Variants in FGF13 observed in about 807,000 individuals in gnomAD.
FGF13 encodes fibroblast growth factor 13.
A neutral mutation model predicts 19.5 loss-of-function variants in FGF13; 2 were observed. That is an observed-to-expected ratio of 0.10 (90% CI 0.04 to 0.32). The LOEUF is 0.32. Ranked by LOEUF, FGF13 falls within the 10% of genes least tolerant of loss-of-function variation. FGF13 has a pLI of 1.00. For synonymous variants in FGF13, 72 were observed against 76.9 expected (o/e 0.94, Z 0.33); for missense variants, 113 against 192.7 (o/e 0.59, Z 2.45).
chrX:139,095,488 G>A (rs2083464769), intron 1 of FGF13, among the ~76,000 whole-genome samples: 1 of 111,922 alleles, frequency 8.9e-6, no homozygotes, highest in Non-Finnish European at 1.9e-5. Context: ...CTTGAGATGA[G>A]GTCATAGAGA....
At chrX:139,034,954 G>A (rs767298670) in intron 1 of FGF13, among the ~76,000 whole-genome samples, 6 of 111,523 alleles carry the variant, frequency 5.4e-5, no homozygotes, top group Non-Finnish European at 1.1e-4. Context: ...TTCTGCAGCA[G>A]GATTGGCCCA....
At chrX:139,162,373 C>T (rs1370902849) in intron 1 of FGF13, among the ~76,000 whole-genome samples, 1 of 112,191 alleles carries the variant, frequency 8.9e-6, no homozygotes, top group Non-Finnish European at 1.9e-5. Context: ...GGACCCCTTC[C>T]TTACATCTTA....
chrX:138,697,091 C>G (rs1250467942), intron 3 of FGF13, among the ~76,000 whole-genome samples: 1 of 111,419 alleles, frequency 9.0e-6, no homozygotes, highest in Non-Finnish European at 1.9e-5. Flanking sequence ...TAAATATAAC[C>G]TAAATATTAA....
chrX:139,097,081 A>C (rs2083475507), intron 1 of FGF13, among the ~76,000 whole-genome samples: 1 of 112,139 alleles, frequency 8.9e-6, no homozygotes. Flanking sequence ...ATACTAAATA[A>C]AATATTAAGA....
intron 1 of FGF13, among the ~76,000 whole-genome samples, chrX:138,929,150 T>C (rs752802788): frequency 1.8e-5 from 2 of 111,526 alleles, no homozygotes; most frequent in African/African-American, 3.3e-5. Flanking sequence ...TTCAAGTCAA[T>C]CTCTGTTGGA....
intron 1 of FGF13, among the ~76,000 whole-genome samples, chrX:138,877,800 G>A (rs1490211522): frequency 8.9e-6 from 1 of 112,207 alleles, no homozygotes; most frequent in Non-Finnish European, 1.9e-5. Flanking sequence ...CATATATACA[G>A]CACATTTTTA....
At chrX:138,697,111 G>T (rs1459897688) in intron 3 of FGF13, among the ~76,000 whole-genome samples, 1 of 111,987 alleles carries the variant, frequency 8.9e-6, no homozygotes, top group Non-Finnish European at 1.9e-5. Flanking sequence ...ACTTAGGCAT[G>T]TAACATTCTT....
intron 1 of FGF13, among the ~76,000 whole-genome samples, chrX:139,111,047 T>C (rs910213444): frequency 1.9e-4 from 21 of 111,700 alleles, no homozygotes; most frequent in African/African-American, 6.8e-4. Context: ...AAGTACCTAA[T>C]TAACAGCACT....
rs1459115541 is a variant in FGF13 at position 138,940,691 on chromosome X, C to T, written c.-112-76041G>A. On this transcript the variant is annotated intron_variant, in intron 1 of 2. Transcript: ENST00000421460. ...AGCACCATTTATTGAACAGGGAGTC[C>T]TTTCCTTATTGCTTGTTTTTGTTGG... Among the ~76,000 whole-genome samples, 19 of 111,402 alleles carry T rather than the reference C, an allele frequency of 1.7e-4. No individual in the cohort carries two copies. In the Admixed American group the frequency reaches 1.8e-3, roughly 11 times the overall value.
At chrX:138,693,203 G>A (rs1254602308) in intron 3 of FGF13, among the ~76,000 whole-genome samples, 4 of 111,908 alleles carry the variant, frequency 3.6e-5, no homozygotes, top group South Asian at 3.7e-4. Flanking sequence ...AATAATAAAC[G>A]TGAAATAATC....
intron 1 of FGF13, among the ~76,000 whole-genome samples, chrX:139,035,187 C>T (rs2092246511): frequency 1.8e-5 from 2 of 111,197 alleles, no homozygotes; most frequent in Non-Finnish European, 3.8e-5. Context: ...TAAATCAGAA[C>T]ATGTCACTAT....
chrX:138,656,344 T>C (rs956510141), intron 3 of FGF13, among the ~76,000 whole-genome samples: 4 of 111,893 alleles, frequency 3.6e-5, no homozygotes, highest in African/African-American at 1.3e-4. Context: ...ACGTATAGCA[T>C]GTCAGTAATG....
chrX:138,951,209 G>A (rs772863331), intron 1 of FGF13, among the ~76,000 whole-genome samples: 2 of 111,334 alleles, frequency 1.8e-5, no homozygotes, highest in South Asian at 7.7e-4. Context: ...ATAGTACTCC[G>A]CCTCCCATCA....
chrX:139,166,175 A>C (rs113308524), intron 1 of FGF13, among the ~76,000 whole-genome samples: 1 of 111,720 alleles, frequency 9.0e-6, no homozygotes, highest in South Asian at 3.8e-4. Flanking sequence ...TGTAGTTCCC[A>C]TAATCCCCAC....
At chrX:138,874,035 A>AG (rs1214600805) in intron 1 of FGF13, among the ~76,000 whole-genome samples, 3 of 103,435 alleles carry the variant, frequency 2.9e-5, no homozygotes, top group Non-Finnish European at 5.9e-5. Context: ...GGGTAGCATT[A>AG]GGAGATATAC....
chrX:138,777,842 C>T (rs2090600274), intron 3 of FGF13, among the ~76,000 whole-genome samples: 2 of 109,842 alleles, frequency 1.8e-5, no homozygotes, highest in South Asian at 8.0e-4. Context: ...ATATATTAGC[C>T]AAAATGTCCA....
intron 3 of FGF13, among the ~76,000 whole-genome samples, chrX:138,656,459 T>C (rs1051802966): frequency 1.7e-4 from 19 of 111,229 alleles, no homozygotes; most frequent in African/African-American, 6.2e-4. Context: ...GGAAATTTTC[T>C]AAGGCTTTCT....
intron 1 of FGF13, among the ~76,000 whole-genome samples, chrX:138,950,227 C>T (rs1293934566): frequency 9.0e-6 from 1 of 110,575 alleles, no homozygotes; most frequent in African/African-American, 3.4e-5. Flanking sequence ...TCTGTGAGTA[C>T]CATTCCTGAA....
chrX:138,734,002 G>C (rs2090253073), intron 1 of FGF13, among the ~76,000 whole-genome samples: 1 of 110,934 alleles, frequency 9.0e-6, no homozygotes, highest in African/African-American at 3.3e-5. Flanking sequence ...ATATAGGACA[G>C]GGTCATGATG....
Sources: gnomAD v4.1 joint callset for allele counts (sites outside exome capture counted in the v4.1 genomes callset) on GRCh38, gnomAD v4.1.1 for gene constraint, MANE v1.5 for transcripts, NCBI Gene and HGNC (gene_info 2026-07-23, HGNC 2026-07-21) for gene names.